Variants in TTN observed in about 807,000 individuals in gnomAD.
TTN encodes connectin.
A neutral mutation model predicts 3,223.0 loss-of-function variants in TTN; 1,525 were observed. The ratio of observed to expected loss-of-function variants is 0.47; its 90% CI spans 0.45 to 0.49. The LOEUF (loss-of-function observed/expected upper bound fraction) is 0.49, where lower values mean the gene tolerates loss of function less well. Among genes scored for constraint, TTN ranks in the 20% least tolerant of loss-of-function variants. The pLI, the probability that TTN is intolerant of heterozygous loss-of-function variation, is 0.00. For synonymous variants in TTN, 14,094 were observed against 15,161.0 expected (o/e 0.93, Z 5.17); for missense variants, 40,786 against 43,424.0 (o/e 0.94, Z 5.40).
At chr2:178,779,729 T>C (rs1242104974) in intron 22 of TTN, 2 of 533,554 alleles carry the variant, frequency 3.7e-6, no homozygotes, top group East Asian at 6.5e-5. Flanking sequence ...GATCTTGGCA[T>C]GAATGAACTC....
Position 178,607,461 on chromosome 2 carries a change from C to A in TTN, c.53227G>T (p.Val17743Leu). Residue 17743 changes from valine to leucine, a missense_variant, in exon 277 of 363, where the codon GTG becomes TTG. Val to Leu is a conservative substitution (Grantham distance 32). Coordinates refer to ENST00000589042, the MANE Select transcript of TTN (RefSeq NM_001267550.2). Reference protein sequence around the residue: ...DALRKDHGRYVITATNSCGSK... With the variant: ...DALRKDHGRYLITATNSCGSK... ...CCACAGCTATTTGTAGCTGTAATCA[C>A]ATATCTGCCATGGTCTTTTCGCAGT... 6.2e-7 allele frequency: 1 copy of A among 1,613,208 alleles called. No homozygotes were observed. Among genetic ancestry groups the A allele is most frequent in the African/African-American group, 1.3e-5 (1 of 75,006 alleles).
At position 178,572,889 on chromosome 2, in the gene TTN, C is replaced by G. The variant is rs761774167; in HGVS notation, c.73243G>C (p.Gly24415Arg). Residue 24415 changes from glycine to arginine, a missense_variant, in exon 326 of 363, where the codon GGA becomes CGA. By Grantham distance (125) the Gly-to-Arg change is moderately radical. Coordinates refer to ENST00000589042, the MANE Select transcript of TTN (RefSeq NM_001267550.2). ...EGLGEPALVP[G>R]TPKAEDRMLP... is the part of the protein sequence containing the mutation. ...ATTCTGTCTTCAGCCTTTGGAGTTC[C>G]AGGAACAAGGGCAGGTTCCCCAAGT... 6.2e-7 allele frequency: 1 copy of G among 1,613,352 alleles called. No homozygotes were observed. The highest frequency in any genetic ancestry group is 8.5e-7 in the Non-Finnish European group (1 of 1,179,570).
intron 330 of TTN, chr2:178,555,532 T>A (rs1457503930): frequency 5.2e-6 from 1 of 191,934 alleles, no homozygotes; most frequent in African/African-American, 2.4e-5. Flanking sequence ...TCTTTTCCCA[T>A]CCCAGTTCAC....
intron 6 of TTN, among the ~76,000 whole-genome samples, chr2:178,796,267 C>G (rs1456599612): frequency 2.0e-5 from 3 of 152,128 alleles, no homozygotes; most frequent in Non-Finnish European, 4.4e-5. Context: ...CTCTAGGTGG[C>G]AGTATTGCCC....
At position 178,652,269 on chromosome 2, in the gene TTN, G is replaced by C. The variant is rs757962078; in HGVS notation, c.39206C>G (p.Thr13069Arg). 4 of 1,613,458 alleles carry C rather than the reference G, an allele frequency of 2.5e-6. No homozygotes were observed. Among genetic ancestry groups the C allele is most frequent in the Non-Finnish European group, 3.4e-6 (4 of 1,179,692 alleles). ...AGCACCATGAGGGTGTCTACCTTTTGTGGGTGGCACTTCAGGCTTTTTAGG... is the reference window on the plus strand; with the variant it reads ...AGCACCATGAGGGTGTCTACCTTTTCTGGGTGGCACTTCAGGCTTTTTAGG... Reference protein sequence around the residue: ...PPPKKPEVPPTKVPEVPKVAV... With the variant: ...PPPKKPEVPPRKVPEVPKVAV... Residue 13069 changes from threonine to arginine, a missense_variant, in exon 203 of 363, where the codon ACA becomes AGA. Coordinates refer to ENST00000589042, the MANE Select transcript of TTN (RefSeq NM_001267550.2).
intron 124 of TTN, 41 bp downstream of exon 124, chr2:178,689,249 G>A: frequency 6.2e-7 from 1 of 1,601,616 alleles, no homozygotes; most frequent in Non-Finnish European, 8.5e-7. Context: ...CAAAATCACT[G>A]GAACATAAAG....
In TTN at chr2:178,592,432, G is replaced by A. The variant is rs757911359; in HGVS notation, c.59573C>T (p.Thr19858Ile). The A allele has an allele frequency of 4.3e-5, 69 of 1,613,320 alleles. No individual in the cohort carries two copies. In the South Asian group the frequency reaches 7.4e-4, roughly 17 times the overall value. Residue 19858 changes from threonine to isoleucine, a missense_variant, in exon 301 of 363, where the codon ACA becomes ATA. Coordinates refer to ENST00000589042, the MANE Select transcript of TTN (RefSeq NM_001267550.2). The stretch of plus-strand genomic sequence containing the variant: ...TTTTGAACCAGCTGGATTCTCCACT[G>A]TTAAAGAATAAATTCCACCATCTTC... Reference protein sequence around the residue: ...AHEDGGIYSLTVENPAGSKTV... With the variant: ...AHEDGGIYSLIVENPAGSKTV...
rs876658089 is a variant in TTN at position 178,561,002 on chromosome 2, A to G, written c.85130T>C (p.Ile28377Thr). The G allele has an allele frequency of 2.5e-6, 4 of 1,613,720 alleles. No homozygotes were observed. The East Asian group carries it at 6.7e-5, about 27-fold the overall frequency. ...IVVKAGEVLK[I>T]NADIAGRPLP... Reference sequence around the variant, plus strand: ...AGGTCGCCCTGCAATGTCTGCATTTATCTTAAGGACCTCTCCAGCTTTGAC... The same window carrying G: ...AGGTCGCCCTGCAATGTCTGCATTTGTCTTAAGGACCTCTCCAGCTTTGAC... Residue 28377 changes from isoleucine to threonine, a missense_variant, in exon 326 of 363, where the codon ATA becomes ACA. Physicochemically the swap from Ile to Thr is moderately conservative, Grantham distance 89. Transcript: ENST00000589042.
chr2:178,583,215 A>G lies in TTN; in HGVS notation c.65588T>C (p.Ile21863Thr), dbSNP rs1258323647. 6.3e-7 allele frequency: 1 copy of G among 1,588,166 alleles called. No homozygotes were observed. Among genetic ancestry groups the G allele is most frequent in the Admixed American group, 1.7e-5 (1 of 57,228 alleles). ...TILAENVPPR[I>T]DLSVAMKSLL... ...AGATTTCATAGCCACACTCAGGTCT[A>G]TCCTGGGAGGGACTGGAAAGAAATA... Residue 21863 changes from isoleucine to threonine, a missense_variant, in exon 313 of 363, where the codon ATA (isoleucine) becomes ACA (threonine). By Grantham distance (89) the Ile-to-Thr change is moderately conservative. Transcript: ENST00000589042.
rs773767237 is a variant in TTN at position 178,570,507 on chromosome 2, C to T, written c.75625G>A (p.Glu25209Lys). ...VKVLDRPGPP[E>K]GPVVISGVTA... ...ACTCCTGAGATAACAACAGGTCCTT[C>T]AGGTGGCCCTGGTCTGTCAAGAACC... The change falls in exon 326 of 363, where the codon GAA becomes AAA. Residue 25209 changes from glutamate to lysine, a missense_variant. Physicochemically the swap from Glu to Lys is moderately conservative, Grantham distance 56. Transcript: ENST00000589042. 9 of 1,613,156 alleles carry T rather than the reference C, an allele frequency of 5.6e-6. No individual in the cohort carries two copies. The Admixed American group carries it at 1.0e-4, about 18-fold the overall frequency.
chr2:178,715,603 A>G lies in TTN; in HGVS notation c.25811T>C (p.Val8604Ala). 6.2e-7 allele frequency: 1 copy of G among 1,613,660 alleles called. No homozygotes were observed. The highest frequency in any genetic ancestry group is 1.1e-5 in the South Asian group (1 of 91,068). The change falls in exon 89 of 363, where the codon GTG (valine) becomes GCG (alanine). Residue 8604 changes from valine (V) to alanine (A), a missense_variant. By Grantham distance (64) the Val-to-Ala change is moderately conservative. Coordinates refer to ENST00000589042, the MANE Select transcript of TTN (RefSeq NM_001267550.2). ...GAGATTGTGCATTTCCAGCACAGCCACCGAGTCAACGAATGACATTCTGAA... is the reference window on the plus strand; with the variant it reads ...GAGATTGTGCATTTCCAGCACAGCCGCCGAGTCAACGAATGACATTCTGAA... The part of the protein sequence containing the change: ...SKFRMSFVDS[V>A]AVLEMHNLSV...
chr2:178,579,752 C>A lies in TTN; in HGVS notation c.67445G>T (p.Arg22482Leu). 3 of 1,613,234 alleles carry A rather than the reference C, an allele frequency of 1.9e-6. No individual in the cohort carries two copies. Among genetic ancestry groups the A allele is most frequent in the Non-Finnish European group, 2.5e-6 (3 of 1,179,494 alleles). The change falls in exon 319 of 363, where the codon CGG (arginine) becomes CTG (leucine). Residue 22482 changes from arginine (R) to leucine (L), a missense_variant. Physicochemically the swap from Arg to Leu is moderately radical, Grantham distance 102 (BLOSUM62 -2). Coordinates refer to ENST00000589042, the MANE Select transcript of TTN (RefSeq NM_001267550.2). ...GAAATCAACTACATATCCAATAATCCGACTTCCACCATCACTGTGAGGCTT... is the reference window on the plus strand; with the variant it reads ...GAAATCAACTACATATCCAATAATCAGACTTCCACCATCACTGTGAGGCTT... ...WKKPHSDGGS[R>L]IIGYVVDFLT...
chr2:178,787,228 T>C (rs2093244794), intron 13 of TTN, among the ~76,000 whole-genome samples: 1 of 152,120 alleles, frequency 6.6e-6, no homozygotes, highest in South Asian at 2.1e-4. Flanking sequence ...AAGATATAAA[T>C]GAGATTTTTC....
In TTN at chr2:178,696,347, AAAC is replaced by A. The variant is rs1323605605; in HGVS notation, c.30803-81_30803-79del. 4 of 1,181,164 alleles carry A rather than the reference AAAC, an allele frequency of 3.4e-6. No individual in the cohort carries two copies. In the East Asian group the frequency reaches 1.0e-4, roughly 31 times the overall value. The allele number at this position is 1,181,164 out of a possible 1,614,324, so 73.2% of individuals were successfully genotyped here. On this transcript the variant is annotated intron_variant, in intron 113 of 362. Transcript: ENST00000589042. The stretch of plus-strand genomic sequence containing the variant: ...TCACTAAACAAAAATCTACCTAGTT[AAAC>A]AACATCAGTATTTCAGATCTATTTT...
intron 213 of TTN, 137 bp downstream of exon 213, chr2:178,649,111 T>C (rs1476950372): frequency 7.5e-6 from 5 of 662,560 alleles, no homozygotes; most frequent in Non-Finnish European, 1.2e-5. Flanking sequence ...TTCATTTTTT[T>C]CCCTTCATTA....
chr2:178,550,538 G>T, intron 336 of TTN: 1 of 465,778 alleles, frequency 2.1e-6, no homozygotes. Context: ...AACATTTACA[G>T]ATCATGTACT....
Position 178,612,152 on chromosome 2 carries a change from T to C in TTN, c.50259A>G (p.Gly16753=), listed in dbSNP as rs1559786437. 6.2e-7 allele frequency: 1 copy of C among 1,609,218 alleles called. No individual in the cohort carries two copies. Among genetic ancestry groups the C allele is most frequent in the Non-Finnish European group, 8.5e-7 (1 of 1,178,206 alleles). ...CAACCACTGCCAGGGCGTAGGGTGG[T>C]CCAGGAGTGGCTGAAAATAAAATAA... ...VLAKDTFTTP[G]PPYALAVVDV... Residue 16753 remains glycine (G), a synonymous_variant, in exon 267 of 363, where the codon GGA becomes GGG. Coordinates refer to ENST00000589042, the MANE Select transcript of TTN (RefSeq NM_001267550.2).
intron 319 of TTN, 67 bp from the exon 320 acceptor site, chr2:178,579,460 C>T (rs2047184412): frequency 6.4e-7 from 1 of 1,566,870 alleles, no homozygotes; most frequent in East Asian, 2.2e-5. Flanking sequence ...TCAAATAGTT[C>T]TAGCTTTTAA....
chr2:178,629,434 A>C lies in TTN; in HGVS notation c.44291T>G (p.Ile14764Ser). 1.9e-6 allele frequency: 3 copies of C among 1,612,912 alleles called. No individual in the cohort carries two copies. The highest frequency in any genetic ancestry group is 2.5e-6 in the Non-Finnish European group (3 of 1,179,244). Reference protein sequence around the residue: ...SAHLRVKPRVIGLLRPLKDVT... With the variant: ...SAHLRVKPRVSGLLRPLKDVT... Reference sequence around the variant, plus strand: ...ATCCTTTAAAGGCCTCAGAAGACCAATTACTCGTGCTTTTCGAGAGGGAAG... The same window carrying C: ...ATCCTTTAAAGGCCTCAGAAGACCACTTACTCGTGCTTTTCGAGAGGGAAG... The change falls in exon 240 of 363, where the codon ATT becomes AGT. Residue 14764 changes from isoleucine to serine, a missense_variant. Transcript: ENST00000589042.
Sources: gnomAD v4.1 joint callset for allele counts (sites outside exome capture counted in the v4.1 genomes callset) on GRCh38, gnomAD v4.1.1 for gene constraint, MANE v1.5 for transcripts, NCBI Gene and HGNC (gene_info 2026-07-23, HGNC 2026-07-21) for gene names.